Variants in TCF4 observed in about 807,000 individuals in gnomAD.
TCF4 encodes transcription factor 4.
In TCF4, 3 loss-of-function variants were observed where a neutral mutation model predicts 82.1. That is an observed-to-expected ratio of 0.04 (90% CI 0.02 to 0.09). The LOEUF (loss-of-function observed/expected upper bound fraction) is 0.09. Ranked by LOEUF, TCF4 falls within the 10% of genes least tolerant of loss-of-function variation. TCF4 has a pLI of 1.00. For synonymous variants in TCF4, 276 were observed against 309.6 expected, an observed-to-expected ratio of 0.89 and a Z score of 1.14; for missense variants, 518 against 852.7, an observed-to-expected ratio of 0.61 and a Z score of 4.89.
chr18:55,604,981 T>C (rs1239211527), intron 2 of TCF4, among the ~76,000 whole-genome samples: 4 of 152,150 alleles, frequency 2.6e-5, no homozygotes. Flanking sequence ...TTTAGGTTAT[T>C]AGAAGATTTC....
intron 2 of TCF4, among the ~76,000 whole-genome samples, chr18:55,629,560 TA>T (rs1263563950): frequency 6.6e-6 from 1 of 152,138 alleles, no homozygotes; most frequent in African/African-American, 2.4e-5. Flanking sequence ...ATGGCAAAGA[TA>T]AGAAGATTGC....
intron 5 of TCF4, among the ~76,000 whole-genome samples, chr18:55,421,831 G>C (rs1281798972): frequency 6.6e-6 from 1 of 152,058 alleles, no homozygotes; most frequent in East Asian, 1.9e-4. Context: ...ATGGTACCAG[G>C]TTGGCATCAA....
At chr18:55,237,430 T>C (rs1010551751) in intron 15 of TCF4, among the ~76,000 whole-genome samples, 15 of 151,918 alleles carry the variant, frequency 9.9e-5, no homozygotes, top group Admixed American at 9.2e-4. Flanking sequence ...ATATCAATCA[T>C]TTTCCATAAA....
At chr18:55,523,179 CA>C (rs1394794148) in intron 3 of TCF4, among the ~76,000 whole-genome samples, 1 of 151,914 alleles carries the variant, frequency 6.6e-6, no homozygotes, top group Non-Finnish European at 1.5e-5. Context: ...ATTACATTAT[CA>C]ACAAAACTTA....
chr18:55,593,827 A>G (rs1363794913), intron 2 of TCF4, among the ~76,000 whole-genome samples: 2 of 152,132 alleles, frequency 1.3e-5, no homozygotes, highest in Non-Finnish European at 2.9e-5. Flanking sequence ...TGAGGCAAAA[A>G]TGTAGGAAAA....
chr18:55,268,518 A>G (rs2059669338), intron 11 of TCF4: 2 of 151,934 alleles, frequency 1.3e-5, no homozygotes, highest in African/African-American at 4.9e-5. Context: ...GGTTAGGAAA[A>G]GTTAAAAAAA....
intron 5 of TCF4, among the ~76,000 whole-genome samples, chr18:55,439,776 A>G (rs553660952): frequency 6.6e-6 from 1 of 152,354 alleles, no homozygotes; most frequent in African/African-American, 2.4e-5. Flanking sequence ...AGGCAAGAGT[A>G]TAACGGCATG....
chr18:55,461,176 CAT>C, intron 4 of TCF4, 61 bp from the exon 5 acceptor site: 1 of 1,378,692 alleles, frequency 7.3e-7, no homozygotes, highest in Non-Finnish European at 1.0e-6. Flanking sequence ...CATAAACAAA[CAT>C]AGCTCCACTA....
At chr18:55,277,260 T>C (rs2061638271) in intron 9 of TCF4, among the ~76,000 whole-genome samples, 1 of 152,136 alleles carries the variant, frequency 6.6e-6, no homozygotes, top group Non-Finnish European at 1.5e-5. Flanking sequence ...CTTTAGTCCT[T>C]AGATTACAGA....
intron 3 of TCF4, among the ~76,000 whole-genome samples, chr18:55,570,533 C>G (rs547864991): frequency 3.9e-5 from 6 of 151,982 alleles, no homozygotes; most frequent in Non-Finnish European, 8.8e-5. Context: ...CATGAATGAT[C>G]TGAAATAAAT....
intron 8 of TCF4, among the ~76,000 whole-genome samples, chr18:55,287,322 C>T (rs973083731): frequency 3.3e-5 from 5 of 152,296 alleles, no homozygotes; most frequent in South Asian, 4.1e-4. Context: ...TCACAAAAAT[C>T]GCATAATTTT....
rs74849864 is a variant in TCF4, at chr18:55,257,464, C to T, written c.1070-73G>A. The T allele has an allele frequency of 0.04, 58,172 of 1,461,964 alleles. 1,429 individuals are homozygous for T. Among genetic ancestry groups the T allele is most frequent in the Non-Finnish European group, 0.046 (47,605 of 1,043,276 alleles). 90.6% of individuals were successfully genotyped at this position (1,461,964 alleles called of 1,614,324 possible). Reference sequence around the variant, plus strand: ...GACGCTTGCCAATATTTTAAACAGTCCTTTTGGAAATGGCAATGGCAATGA... The same window carrying T: ...GACGCTTGCCAATATTTTAAACAGTTCTTTTGGAAATGGCAATGGCAATGA... On this transcript the variant is annotated intron_variant, in intron 13 of 19. Transcript: ENST00000354452.
chr18:55,401,125 C>T (rs1441335728), intron 6 of TCF4: 3 of 1,288,304 alleles, frequency 2.3e-6, no homozygotes, highest in East Asian at 1.1e-4. Flanking sequence ...ATTCAAATAA[C>T]AATACGGCAC....
At chr18:55,234,475 C>G (rs2048791469) in intron 16 of TCF4, 73 bp downstream of exon 16, 1 of 1,600,090 alleles carries the variant, frequency 6.2e-7, no homozygotes, top group Non-Finnish European at 8.6e-7. Context: ...GGGATGAACA[C>G]CAAGAGGCTG....
At chr18:55,585,883 ACT>A (rs1201716716) in intron 2 of TCF4, 10 of 1,205,484 alleles carry the variant, frequency 8.3e-6, no homozygotes, top group African/African-American at 3.1e-5. Context: ...TCTCACTCTC[ACT>A]CTCTCTTTCA....
At chr18:55,273,978 G>T (rs1281648281) in intron 10 of TCF4, among the ~76,000 whole-genome samples, 1 of 152,072 alleles carries the variant, frequency 6.6e-6, no homozygotes, top group Non-Finnish European at 1.5e-5. Flanking sequence ...AAGAAAGAAA[G>T]AAACACAGAA....
chr18:55,256,489 G>A (rs62092444), intron 14 of TCF4, among the ~76,000 whole-genome samples: 35,437 of 152,012 alleles, frequency 0.23, 4,453 homozygotes, highest in East Asian at 0.32. Flanking sequence ...CACAGCAAAG[G>A]AGGGAAATCC....
Position 55,580,173 on chromosome 18 carries a change from C to T in TCF4, c.145+5107G>A, listed in dbSNP as rs145776405. 3.3e-3 allele frequency among the ~76,000 whole-genome samples: 501 copies of T among 152,044 alleles called. 3 individuals carry two copies. The highest frequency in any genetic ancestry group is 0.011 in the African/African-American group (466 of 41,516). On this transcript the variant is annotated intron_variant, in intron 3 of 19. Coordinates refer to ENST00000354452, the MANE Select transcript of TCF4 (RefSeq NM_001083962.2). The stretch of plus-strand genomic sequence containing the variant: ...GTGTCAAATAGAGTACTGCTTCTGC[C>T]TTCTGAATTTAGAAAATGTAACATT...
chr18:55,401,508 G>T (rs1419531937), intron 6 of TCF4: 3 of 989,104 alleles, frequency 3.0e-6, no homozygotes, highest in Non-Finnish European at 3.6e-6. Flanking sequence ...ACCTCCCAAG[G>T]CCCAGAAATT....
Sources: allele counts gnomAD v4.1 joint callset (sites outside exome capture counted in the v4.1 genomes callset), GRCh38; gene constraint gnomAD v4.1.1; transcripts MANE v1.5; gene names NCBI Gene and HGNC (gene_info 2026-07-23, HGNC 2026-07-21).